The following EVA1C variants were observed in gnomAD, a reference collection of about 807,000 sequenced individuals.
The protein encoded by EVA1C is protein eva-1 homolog C.
EVA1C carries 25 observed loss-of-function variants against 45.4 expected under a neutral mutation model. The ratio of observed to expected loss-of-function variants is 0.55; its 90% CI spans 0.40 to 0.77. EVA1C has a LOEUF of 0.77. Ranked by LOEUF, EVA1C falls within the 30% of genes least tolerant of loss-of-function variation. The probability of loss-of-function intolerance (pLI) is 0.00; values close to 1 mark genes in which losing one functional copy is unlikely to be tolerated. For synonymous variants in EVA1C, 190 were observed against 221.2 expected, an observed-to-expected ratio of 0.86 and a Z score of 1.25; for missense variants, 479 against 554.8, an observed-to-expected ratio of 0.86 and a Z score of 1.37.
intron 5 of EVA1C, among the ~76,000 whole-genome samples, chr21:32,496,436 T>C (rs990239567): frequency 3.9e-5 from 6 of 152,226 alleles, no homozygotes; most frequent in African/African-American, 2.4e-5. Context: ...ATAGATATGA[T>C]GAAGTGACTA....
At chr21:32,480,952 G>A (rs1010290942) in intron 4 of EVA1C, among the ~76,000 whole-genome samples, 1 of 149,616 alleles carries the variant, frequency 6.7e-6, no homozygotes, top group African/African-American at 2.5e-5. Flanking sequence ...AACAGAGCAA[G>A]TGCCGTCTCA....
chr21:32,480,000 A>G (rs1161470440), intron 4 of EVA1C, among the ~76,000 whole-genome samples: 5 of 152,188 alleles, frequency 3.3e-5, no homozygotes, highest in African/African-American at 1.2e-4. Context: ...GGCAGTATGT[A>G]TTAAAAGCCT....
intron 4 of EVA1C, among the ~76,000 whole-genome samples, chr21:32,471,406 A>T (rs2036371409): frequency 6.7e-6 from 1 of 149,448 alleles, no homozygotes; most frequent in Non-Finnish European, 1.5e-5. Flanking sequence ...GGCTCACTGC[A>T]ACCTCCACCT....
chr21:32,490,979 A>G (rs949055892), intron 4 of EVA1C, among the ~76,000 whole-genome samples: 31 of 152,366 alleles, frequency 2.0e-4, no homozygotes, highest in African/African-American at 6.5e-4. Flanking sequence ...CAGGACCAGC[A>G]TAAGTGCTGG....
intron 7 of EVA1C, among the ~76,000 whole-genome samples, chr21:32,507,560 T>G (rs199760306): frequency 1.6e-5 from 2 of 127,258 alleles, no homozygotes; most frequent in East Asian, 5.2e-4. Context: ...GTATGCGTGT[T>G]TTTGTGTGTG....
In EVA1C at chr21:32,453,331, G is replaced by A; in HGVS notation, c.180G>A (p.Leu60=). ...TTCCAGGTTACCTAACCAAACTCCT[G>A]CAAAACCACACCACCTATGCCTGTG... is the stretch of plus-strand genomic sequence containing the variant. ...TDFSGYLTKL[L]QNHTTYACDG... is the part of the protein sequence containing the mutation. Residue 60 remains leucine, a synonymous_variant, in exon 2 of 8, where the codon CTG becomes CTA. Transcript: ENST00000300255. 4.4e-6 allele frequency: 7 copies of A among 1,593,512 alleles called. No individual in the cohort carries two copies. The highest frequency in any genetic ancestry group is 6.0e-6 in the Non-Finnish European group (7 of 1,164,896).
chr21:32,418,451 G>C (rs760413169), intron 1 of EVA1C, among the ~76,000 whole-genome samples: 7 of 152,160 alleles, frequency 4.6e-5, no homozygotes, highest in Non-Finnish European at 8.8e-5. Context: ...TGGTCTCCCA[G>C]GTGCTTTATT....
chr21:32,449,867 C>T (rs567599371), intron 1 of EVA1C, among the ~76,000 whole-genome samples: 3 of 152,262 alleles, frequency 2.0e-5, no homozygotes. Context: ...AGGTGATCTG[C>T]CCGCCTCAGC....
chr21:32,427,717 A>G (rs566572853), intron 1 of EVA1C, among the ~76,000 whole-genome samples: 45 of 146,668 alleles, frequency 3.1e-4, no homozygotes, highest in East Asian at 7.9e-4. Context: ...ATCTCAGGGG[A>G]AAAAAAAAAA....
chr21:32,501,596 G>A (rs1366664591), intron 6 of EVA1C, 101 bp downstream of exon 6: 23 of 1,475,606 alleles, frequency 1.6e-5, no homozygotes, highest in Non-Finnish European at 1.8e-5. Context: ...GGAAGGGGCT[G>A]TCAGGAGGTG....
In EVA1C at chr21:32,493,785, T is replaced by TATTTATTTA. The variant is rs1695576505; in HGVS notation, c.635-1241_635-1233dup. ...AAGGTAGGCTTTTTATTTATTTATT[T>TATTTATTTA]ATTTATTTATTTATTTATTTATTTA... On this transcript the variant is annotated intron_variant, in intron 4 of 7. Coordinates refer to ENST00000300255, the MANE Select transcript of EVA1C (RefSeq NM_058187.5). The TATTTATTTA allele has an allele frequency of 2.7e-5, 4 of 150,144 alleles. No individual in the cohort carries two copies. In the South Asian group the frequency reaches 8.4e-4, roughly 31 times the overall value. 9.3% of individuals were successfully genotyped at this position (150,144 alleles called of 1,614,324 possible).
rs1328368423 is a variant in EVA1C, at chr21:32,484,543, CA to C, written c.635-10468del. Among the ~76,000 whole-genome samples the C allele has an allele frequency of 4.9e-3, 631 of 128,654 alleles. 1 individual carries two copies. The highest frequency in any genetic ancestry group is 0.011 in the Middle Eastern group (3 of 262). 84.4% of individuals were successfully genotyped at this position (128,654 alleles called of 152,430 possible). ...TGGGCGACAAAGAGAGACTCCATCT[CA>C]AAAAAAAAAAAAAAATTTATTGGGG... On this transcript the variant is annotated intron_variant, in intron 4 of 7. Coordinates refer to ENST00000300255, the MANE Select transcript of EVA1C (RefSeq NM_058187.5).
chr21:32,488,255 T>C (rs1158017553), intron 4 of EVA1C, among the ~76,000 whole-genome samples: 3 of 152,064 alleles, frequency 2.0e-5, no homozygotes, highest in Admixed American at 6.6e-5. Flanking sequence ...TTTAGATAAA[T>C]TGTAGGACAC....
intron 1 of EVA1C, among the ~76,000 whole-genome samples, chr21:32,425,249 C>T (rs896648510): frequency 1.1e-4 from 16 of 144,918 alleles, no homozygotes; most frequent in Admixed American, 8.9e-4. Context: ...GTAGGAGAAT[C>T]GCTTGAACCC....
chr21:32,424,074 G>A (rs2034396516), intron 1 of EVA1C, among the ~76,000 whole-genome samples: 1 of 152,170 alleles, frequency 6.6e-6, no homozygotes, highest in Non-Finnish European at 1.5e-5. Flanking sequence ...GCAATGTGGG[G>A]GAATAATCTG....
chr21:32,429,062 C>T (rs2034597319), intron 1 of EVA1C, among the ~76,000 whole-genome samples: 1 of 152,056 alleles, frequency 6.6e-6, no homozygotes, highest in Admixed American at 6.6e-5. Context: ...GCTCTGTCGC[C>T]CAGAGCGAGA....
At chr21:32,447,028 C>A (rs2035388154) in intron 1 of EVA1C, among the ~76,000 whole-genome samples, 1 of 152,184 alleles carries the variant, frequency 6.6e-6, no homozygotes. Context: ...AGCTTGGAGC[C>A]CACGGTTCAT....
chr21:32,418,957 A>G (rs1249048641), intron 1 of EVA1C, among the ~76,000 whole-genome samples: 1 of 742 alleles, frequency 1.3e-3, no homozygotes, highest in Non-Finnish European at 2.9e-3. Flanking sequence ...GTTCTTGCCT[A>G]TTGGTTTTCC....
intron 1 of EVA1C, among the ~76,000 whole-genome samples, chr21:32,419,140 T>C (rs574400137): frequency 6.6e-6 from 1 of 152,242 alleles, no homozygotes; most frequent in African/African-American, 2.4e-5. Context: ...TTTTTAAAAC[T>C]TTTATTTTAG....
Sources: allele counts gnomAD v4.1 joint callset (sites outside exome capture counted in the v4.1 genomes callset), GRCh38; gene constraint gnomAD v4.1.1; transcripts MANE v1.5; gene names NCBI Gene and HGNC (gene_info 2026-07-23, HGNC 2026-07-21).